Variants in FERMT1 observed in about 807,000 individuals in gnomAD.
FERMT1 encodes the protein fermitin family homolog 1.
FERMT1 carries 60 observed loss-of-function variants against 85.3 expected under a neutral mutation model. The ratio of observed to expected loss-of-function variants is 0.70; its 90% CI spans 0.57 to 0.87. The LOEUF is 0.87. FERMT1 is among the 40% of genes least tolerant of loss of function. The pLI is 0.00. For synonymous variants in FERMT1, 275 were observed against 301.1 expected, an observed-to-expected ratio of 0.91 and a Z score of 0.90; for missense variants, 701 against 818.9, an observed-to-expected ratio of 0.86 and a Z score of 1.76.
chr20:6,075,847 C>G lies in FERMT1; in HGVS notation c.*1326G>C, dbSNP rs1011815923. On this transcript the variant is annotated 3_prime_UTR_variant, in exon 15 of 15. Transcript: ENST00000217289. ...CTATGAAAAAATAATAAAATATTGT[C>G]TGATATTTCCCTTTACTTCTGGTAT... is the stretch of plus-strand genomic sequence containing the variant. The G allele has an allele frequency of 6.6e-6, 1 of 152,354 alleles. No individual in the cohort carries two copies. The highest frequency in any genetic ancestry group is 6.5e-5 in the Admixed American group (1 of 15,280). The allele number at this position is 152,354 out of a possible 1,614,324, so 9.4% of individuals were successfully genotyped here. A position where few individuals can be genotyped will look rare whatever the true frequency, so the allele number is the denominator to read the frequency against.
chr20:6,075,121 CTG>C lies in FERMT1; in HGVS notation c.*2050_*2051del, dbSNP rs1981777868. The C allele has an allele frequency of 6.6e-6, 1 of 151,530 alleles. No homozygotes were observed. The highest frequency in any genetic ancestry group is 1.9e-4 in the East Asian group (1 of 5,284). 9.4% of individuals were successfully genotyped at this position (151,530 alleles called of 1,614,324 possible). A position where few individuals can be genotyped will look rare whatever the true frequency, so the allele number is the denominator to read the frequency against. Reference sequence around the variant, plus strand: ...TGTGTGTCATGGAAGAAACGCTCCCCTGAAAACTGTAACCAAACAAAGTTTGG... The same window carrying C: ...TGTGTGTCATGGAAGAAACGCTCCCCAAAACTGTAACCAAACAAAGTTTGG... On this transcript the variant is annotated 3_prime_UTR_variant, in exon 15 of 15. Transcript: ENST00000217289.
chr20:6,082,599 C>T (rs926738356), intron 13 of FERMT1, among the ~76,000 whole-genome samples: 4 of 152,102 alleles, frequency 2.6e-5, no homozygotes, highest in African/African-American at 9.7e-5. Context: ...TTGGGACAAA[C>T]GTTGGGGACT....
Position 6,077,074 on chromosome 20 carries a change from G to T in FERMT1, c.*99C>A. 2 of 1,189,340 alleles carry T rather than the reference G, an allele frequency of 1.7e-6. No individual in the cohort carries two copies. The highest frequency in any genetic ancestry group is 1.3e-6 in the Non-Finnish European group (1 of 796,150). 73.7% of individuals were successfully genotyped at this position (1,189,340 alleles called of 1,614,324 possible). ...GACCAGCGGTGAATGTATGTTGTCT[G>T]TTAGTCCAGAATCTACATGCTGGGC... On this transcript the variant is annotated 3_prime_UTR_variant, in exon 15 of 15. Transcript: ENST00000217289.
rs1005119415 is a variant in FERMT1 at position 6,104,686 on chromosome 20, G to T, written c.849+2846C>A. Among the ~76,000 whole-genome samples, 1 of 152,180 alleles carries T rather than the reference G, an allele frequency of 6.6e-6. No homozygotes were observed. Among genetic ancestry groups the T allele is most frequent in the African/African-American group, 2.4e-5 (1 of 41,436 alleles). On this transcript the variant is annotated intron_variant, in intron 6 of 14. Coordinates refer to ENST00000217289, the MANE Select transcript of FERMT1 (RefSeq NM_017671.5). This position sits in a 1 kb window ranked among gnomAD's most constrained non-coding sequence, Gnocchi z 4.2. ...GCTCCTCACCAATTAAGCGGGCAGA[G>T]GCTGGAGGCCAAAGAGCCAGAGACA...
At chr20:6,077,420 G>T in intron 14 of FERMT1, 74 bp from the exon 15 acceptor site, 1 of 1,488,490 alleles carries the variant, frequency 6.7e-7, no homozygotes, top group Non-Finnish European at 9.3e-7. Context: ...TGCTGGACTG[G>T]CCCCTGGAGC....
intron 9 of FERMT1, among the ~76,000 whole-genome samples, chr20:6,091,734 T>C (rs1388344257): frequency 6.6e-6 from 1 of 152,140 alleles, no homozygotes; most frequent in Non-Finnish European, 1.5e-5. Context: ...TATCAAGAGA[T>C]CTCAAGTTCC....
In FERMT1 at chr20:6,084,084, C is replaced by A; in HGVS notation, c.1674G>T (p.Ala558=). 2 of 1,613,846 alleles carry A rather than the reference C, an allele frequency of 1.2e-6. No homozygotes were observed. The highest frequency in any genetic ancestry group is 1.7e-6 in the Non-Finnish European group (2 of 1,179,914). ...GGCCAAACTCAGGCAGTGACTGCCA[C>A]GCCTGGATGAACCGCAGCTTGGCTT... The part of the protein sequence containing the change: ...LVEAKLRFIQ[A]WQSLPEFGLT... Residue 558 remains alanine, a synonymous_variant, in exon 13 of 15, where the codon GCG becomes GCT. Transcript: ENST00000217289.
chr20:6,077,254 A>C lies in FERMT1; in HGVS notation c.1953T>G (p.Ile651Met), dbSNP rs1271437014. ...KIVHEYIGGYIFLSTRSKDQN... is the reference protein window; with the variant it reads ...KIVHEYIGGYMFLSTRSKDQN... ...GGTCCTTGGAGCGGGTGGACAAGAA[A>C]ATGTAGCCGCCAATGTACTCGTGCA... Residue 651 changes from isoleucine (I) to methionine (M), a missense_variant, in exon 15 of 15, where the codon ATT becomes ATG. Ile to Met is a conservative substitution (Grantham distance 10). Coordinates refer to ENST00000217289, the MANE Select transcript of FERMT1 (RefSeq NM_017671.5). 1 of 1,614,172 alleles carries C rather than the reference A, an allele frequency of 6.2e-7. No homozygotes were observed.
intron 12 of FERMT1, 30 bp downstream of exon 12, chr20:6,085,036 A>G (rs2063575292): frequency 1.3e-6 from 2 of 1,581,502 alleles, no homozygotes; most frequent in South Asian, 1.1e-5. Context: ...AATTTACTGC[A>G]AACAATTGCC....
intron 5 of FERMT1, among the ~76,000 whole-genome samples, chr20:6,108,400 A>AT (rs576660407): frequency 3.3e-4 from 51 of 152,254 alleles, no homozygotes; most frequent in Non-Finnish European, 4.9e-4. Flanking sequence ...TGCTTTATAG[A>AT]TTTTTTTCTC....
At position 6,075,702 on chromosome 20, in the gene FERMT1, G is replaced by A. The variant is rs1981796581; in HGVS notation, c.*1471C>T. ...GATGGAAAATAAAGCAACAGCTGAC[G>A]CTCACGGGCCTCGGAACTCTGGCCA... On this transcript the variant is annotated 3_prime_UTR_variant, in exon 15 of 15. Transcript: ENST00000217289. The A allele has an allele frequency of 1.3e-5, 2 of 152,418 alleles. No homozygotes were observed. The highest frequency in any genetic ancestry group is 2.4e-5 in the African/African-American group (1 of 41,522). 9.4% of individuals were successfully genotyped at this position (152,418 alleles called of 1,614,324 possible).
intron 13 of FERMT1, among the ~76,000 whole-genome samples, chr20:6,082,352 C>G (rs2041783771): frequency 6.6e-6 from 1 of 152,094 alleles, no homozygotes; most frequent in South Asian, 2.1e-4. Context: ...GCTTGGGGAG[C>G]GCAGCAAAAA....
intron 10 of FERMT1, among the ~76,000 whole-genome samples, chr20:6,088,108 A>T (rs1982236734): frequency 6.6e-6 from 1 of 152,156 alleles, no homozygotes; most frequent in Admixed American, 6.5e-5. Flanking sequence ...GTTTTCTTAA[A>T]AAGTCAATTT....
intron 6 of FERMT1, among the ~76,000 whole-genome samples, chr20:6,101,762 C>T (rs1982665427): frequency 6.6e-6 from 1 of 152,176 alleles, no homozygotes. Flanking sequence ...AAGTGATTCT[C>T]CTGCCTCAGC....
At chr20:6,086,522 T>C (rs1982191780) in intron 11 of FERMT1, among the ~76,000 whole-genome samples, 1 of 152,184 alleles carries the variant, frequency 6.6e-6, no homozygotes, top group Admixed American at 6.5e-5. Flanking sequence ...GTGAGGAACG[T>C]TGAATTACTG....
intron 5 of FERMT1, among the ~76,000 whole-genome samples, chr20:6,108,307 A>C (rs1982852500): frequency 6.6e-6 from 1 of 152,378 alleles, no homozygotes; most frequent in Admixed American, 6.5e-5. Flanking sequence ...ATTTTGGATA[A>C]GGGATACTGA....
rs6053895 is a variant in FERMT1 at position 6,084,680 on chromosome 20, T to C, written c.1593+386A>G. ...ATTTTTTCATGATGATACTCTTAATTAGATGGAATTACTCCTTTTTTTTTT... is the reference window on the plus strand; with the variant it reads ...ATTTTTTCATGATGATACTCTTAATCAGATGGAATTACTCCTTTTTTTTTT... On this transcript the variant is annotated intron_variant, in intron 12 of 14. Coordinates refer to ENST00000217289, the MANE Select transcript of FERMT1 (RefSeq NM_017671.5). 5.5e-3 allele frequency among the ~76,000 whole-genome samples: 832 copies of C among 150,954 alleles called. 6 individuals carry two copies. Among genetic ancestry groups the C allele is most frequent in the African/African-American group, 0.019 (773 of 40,662 alleles).
chr20:6,104,251 TG>T lies in FERMT1; in HGVS notation c.849+3280del, dbSNP rs1982741260. ...ATCAGCACCTGTTACTAAGGACCTG[TG>T]GCCAGTATGAATCTCTCTGAAAGCC... On this transcript the variant is annotated intron_variant, in intron 6 of 14. Coordinates refer to ENST00000217289, the MANE Select transcript of FERMT1 (RefSeq NM_017671.5). This position sits in a 1 kb window ranked among gnomAD's most constrained non-coding sequence, Gnocchi z 4.2. Among the ~76,000 whole-genome samples, 1 of 152,204 alleles carries T rather than the reference TG, an allele frequency of 6.6e-6. No individual in the cohort carries two copies.
chr20:6,110,927 G>A (rs56760267), intron 4 of FERMT1, among the ~76,000 whole-genome samples: 5,774 of 152,182 alleles, frequency 0.038, 363 homozygotes, highest in African/African-American at 0.13. Context: ...AAACATTGGG[G>A]ACCACCTCTT....
Sources: gnomAD v4.1 joint callset for allele counts (sites outside exome capture counted in the v4.1 genomes callset) on GRCh38, gnomAD v4.1.1 for gene constraint, Gnocchi (gnomAD v3.1) non-coding constraint, MANE v1.5 for transcripts, NCBI Gene and HGNC (gene_info 2026-07-23, HGNC 2026-07-21) for gene names.